RDH11: variants seen among roughly 807,000 people sequenced by gnomAD.
RDH11 encodes the protein retinol dehydrogenase 11.
RDH11 carries 19 observed loss-of-function variants against 33.4 expected under a neutral mutation model. The observed-to-expected ratio is 0.57, with a 90% CI of 0.40 to 0.83. RDH11 has a LOEUF of 0.83. Ranked by LOEUF, RDH11 falls within the 40% of genes least tolerant of loss-of-function variation. The pLI is 0.00. For synonymous variants in RDH11, 154 were observed against 155.3 expected (o/e 0.99, Z 0.06); for missense variants, 353 against 389.0 (o/e 0.91, Z 0.78).
intron 1 of RDH11, 66 bp downstream of exon 1, chr14:67,695,564 G>T: frequency 6.7e-7 from 1 of 1,495,116 alleles, no homozygotes. Flanking sequence ...CTTTGGTGGG[G>T]ATTCTATGTT....
intron 6 of RDH11, among the ~76,000 whole-genome samples, chr14:67,680,037 G>C (rs543167314): frequency 4.6e-5 from 7 of 152,288 alleles, no homozygotes; most frequent in African/African-American, 1.4e-4. Flanking sequence ...CCAGCAGCAG[G>C]AGCATCAACT....
chr14:67,690,206 G>A lies in RDH11; in HGVS notation c.664+6C>T. ...ATGTCTCCACATTCATTTCCTCTAG[G>A]CCCACCTTTTAGTCTCCGGGCCAGT... is the stretch of plus-strand genomic sequence containing the variant. On this transcript the variant is annotated splice_donor_region_variant and intron_variant, in intron 5 of 6. Transcript: ENST00000381346. 1.2e-6 allele frequency: 2 copies of A among 1,611,548 alleles called. No individual in the cohort carries two copies. The highest frequency in any genetic ancestry group is 1.1e-5 in the South Asian group (1 of 90,906).
rs533302625 is a variant in RDH11, at chr14:67,692,757, T to A, written c.194-164A>T. On this transcript the variant is annotated intron_variant, in intron 2 of 6. Transcript: ENST00000381346. ...TAGGTAAAGAAAAATAAATTAATAA[T>A]ATTCATTAAGGGTCCATTATATGTA... 1.5e-5 allele frequency: 13 copies of A among 889,998 alleles called. No individual in the cohort carries two copies. In the African/African-American group the frequency reaches 1.7e-4, roughly 12 times the overall value. The allele number at this position is 889,998 out of a possible 1,614,324, so 55.1% of individuals were successfully genotyped here. A position where few individuals can be genotyped will look rare whatever the true frequency, so the allele number is the denominator to read the frequency against.
chr14:67,690,438 G>A lies in RDH11; in HGVS notation c.455-17C>T. 6.2e-7 allele frequency: 1 copy of A among 1,609,196 alleles called. No homozygotes were observed. On this transcript the variant is annotated splice_polypyrimidine_tract_variant and intron_variant, in intron 4 of 6. Transcript: ENST00000381346. Reference sequence around the variant, plus strand: ...GGAAGTGACCTGTTGAGAAATACTAGAATTAATGAAGTTCAGGGCCATGTA... The same window carrying A: ...GGAAGTGACCTGTTGAGAAATACTAAAATTAATGAAGTTCAGGGCCATGTA...
chr14:67,688,890 C>T (rs1036520521), intron 5 of RDH11, among the ~76,000 whole-genome samples: 3 of 152,096 alleles, frequency 2.0e-5, no homozygotes, highest in Admixed American at 2.0e-4. Flanking sequence ...ACCAATTCAT[C>T]CCCTGTCCCC....
At chr14:67,692,334 T>C (rs2037760164) in intron 3 of RDH11, 104 bp downstream of exon 3, 2 of 1,280,310 alleles carry the variant, frequency 1.6e-6, no homozygotes, top group Non-Finnish European at 2.2e-6. Flanking sequence ...TTTGGCTATA[T>C]TTTATCCACC....
chr14:67,690,104 G>A (rs1594851639), intron 5 of RDH11, 108 bp downstream of exon 5: 1 of 893,534 alleles, frequency 1.1e-6, no homozygotes, highest in East Asian at 2.5e-5. Flanking sequence ...TATAGCCACG[G>A]AAGCAGGTCC....
Position 67,690,618 on chromosome 14 carries a change from T to C in RDH11, c.455-197A>G, listed in dbSNP as rs2037737265. On this transcript the variant is annotated intron_variant, in intron 4 of 6. Coordinates refer to ENST00000381346, the MANE Select transcript of RDH11 (RefSeq NM_016026.4). ...CAGCCAAAGACATGAGGCATCCTTATATGAGCGAGATAGGTCTAGACTATG... is the reference window on the plus strand; with the variant it reads ...CAGCCAAAGACATGAGGCATCCTTACATGAGCGAGATAGGTCTAGACTATG... 5.2e-6 allele frequency: 3 copies of C among 577,728 alleles called. No homozygotes were observed. In the South Asian group the frequency reaches 6.0e-5, roughly 12 times the overall value. The allele number at this position is 577,728 out of a possible 1,614,324, so 35.8% of individuals were successfully genotyped here.
chr14:67,689,959 T>G, intron 5 of RDH11: 2 of 381,802 alleles, frequency 5.2e-6, no homozygotes, highest in African/African-American at 2.1e-5. Context: ...AAAAAAAAAG[T>G]TAAGTAACTT....
intron 4 of RDH11, 93 bp from the exon 5 acceptor site, chr14:67,690,514 T>A: frequency 9.9e-7 from 1 of 1,015,116 alleles, no homozygotes; most frequent in Non-Finnish European, 1.5e-6. Flanking sequence ...AGGCAGATAA[T>A]TCAGAAATAA....
intron 5 of RDH11, among the ~76,000 whole-genome samples, chr14:67,689,430 A>G (rs200001971): frequency 2.0e-5 from 3 of 152,152 alleles, no homozygotes; most frequent in East Asian, 1.9e-4. Flanking sequence ...TCTCAAGCAT[A>G]TATTTCCCTC....
At chr14:67,681,189 C>G (rs544155166) in intron 6 of RDH11, among the ~76,000 whole-genome samples, 15 of 152,276 alleles carry the variant, frequency 9.9e-5, no homozygotes, top group Non-Finnish European at 1.3e-4. Flanking sequence ...AGAGGAAAGG[C>G]CATGCGAGGG....
At chr14:67,679,457 G>A (rs1215477264) in intron 6 of RDH11, among the ~76,000 whole-genome samples, 1 of 149,052 alleles carries the variant, frequency 6.7e-6, no homozygotes, top group African/African-American at 2.5e-5. Flanking sequence ...AGGCTGGAGT[G>A]CAGTGATGCG....
At chr14:67,689,046 A>G (rs2037716230) in intron 5 of RDH11, among the ~76,000 whole-genome samples, 2 of 152,208 alleles carry the variant, frequency 1.3e-5, no homozygotes, top group African/African-American at 4.8e-5. Context: ...CACCTCATTC[A>G]TGTATTAGTG....
In RDH11 at chr14:67,678,274, T is replaced by C. The variant is rs1052293371; in HGVS notation, c.*47A>G. On this transcript the variant is annotated 3_prime_UTR_variant, in exon 7 of 7. Coordinates refer to ENST00000381346, the MANE Select transcript of RDH11 (RefSeq NM_016026.4). ...GGAGAATCATTTTGACAAGAAGTAC[T>C]GTGTAGTCTGCTGCAGTCTTCTCTT... 1 of 1,169,402 alleles carries C rather than the reference T, an allele frequency of 8.6e-7. No homozygotes were observed. The highest frequency in any genetic ancestry group is 1.5e-5 in the African/African-American group (1 of 66,132). The allele number at this position is 1,169,402 out of a possible 1,614,324, so 72.4% of individuals were successfully genotyped here.
rs767984929 is a variant in RDH11, at chr14:67,692,539, T to A, written c.248A>T (p.Lys83Ile). 8.1e-6 allele frequency: 13 copies of A among 1,611,520 alleles called. No homozygotes were observed. The highest frequency in any genetic ancestry group is 3.3e-5 in the South Asian group (3 of 90,486). The change falls in exon 3 of 7, where the codon AAA becomes ATA. Residue 83 changes from lysine (K) to isoleucine (I), a missense_variant. Physicochemically the swap from Lys to Ile is moderately radical, Grantham distance 102. Coordinates refer to ENST00000381346, the MANE Select transcript of RDH11 (RefSeq NM_016026.4). ...GTTCCCTGTCGTGGTCTGGATCTCT[T>A]TGGCCACCAATTCCCCCTTTTCCAC... is the stretch of plus-strand genomic sequence containing the variant. The part of the protein sequence containing the change: ...RDVEKGELVA[K>I]EIQTTTGNQQ...
Position 67,687,525 on chromosome 14 carries a change from G to A in RDH11, c.665-2321C>T, listed in dbSNP as rs372328891. ...CACTCTTGTTTGCCCAGGCTGGGGT[G>A]CAATGGTATGATCTCAGCTCACCAC... On this transcript the variant is annotated intron_variant, in intron 5 of 6. Coordinates refer to ENST00000381346, the MANE Select transcript of RDH11 (RefSeq NM_016026.4). 2.1e-4 allele frequency among the ~76,000 whole-genome samples: 31 copies of A among 145,846 alleles called. 1 individual carries two copies. The highest frequency in any genetic ancestry group is 7.9e-4 in the African/African-American group (31 of 39,398).
At chr14:67,689,442 T>C (rs1336085448) in intron 5 of RDH11, among the ~76,000 whole-genome samples, 1 of 152,144 alleles carries the variant, frequency 6.6e-6, no homozygotes, top group East Asian at 1.9e-4. Context: ...ATTTCCCTCT[T>C]ATTTGATGCT....
At chr14:67,694,439 T>C (rs867485597) in intron 1 of RDH11, among the ~76,000 whole-genome samples, 1 of 138,208 alleles carries the variant, frequency 7.2e-6, no homozygotes, top group African/African-American at 2.6e-5. Context: ...GGAATATATA[T>C]ATATATATAT....
Sources: gnomAD v4.1 joint callset for allele counts (sites outside exome capture counted in the v4.1 genomes callset) on GRCh38, gnomAD v4.1.1 for gene constraint, MANE v1.5 for transcripts, NCBI Gene and HGNC (gene_info 2026-07-23, HGNC 2026-07-21) for gene names.